Variants in SLC41A3 observed in about 807,000 individuals in gnomAD.
SLC41A3 encodes the protein SLC41A1-like 2.
Under a neutral mutation model 45.4 loss-of-function variants are expected in SLC41A3, and 44 were observed. The observed-to-expected ratio is 0.97, with a 90% confidence interval of 0.76 to 1.25. The LOEUF is 1.25. SLC41A3 is among the 50% of genes most tolerant of loss of function. SLC41A3 has a pLI of 0.00. For synonymous variants in SLC41A3, 256 were observed against 252.4 expected (o/e 1.01, Z -0.13); for missense variants, 550 against 600.6 (o/e 0.92, Z 0.88).
chr3:126,053,380 T>G (rs1943463501), intron 2 of SLC41A3, among the ~76,000 whole-genome samples: 1 of 152,174 alleles, frequency 6.6e-6, no homozygotes. Flanking sequence ...CCTCTGGAAC[T>G]GCGGAAAAAA....
chr3:126,039,307 A>G (rs1942422129), intron 3 of SLC41A3, among the ~76,000 whole-genome samples: 1 of 152,216 alleles, frequency 6.6e-6, no homozygotes, highest in South Asian at 2.1e-4. Flanking sequence ...GTCCTTTTTT[A>G]TGTTCCAGGA....
rs139551957 is a variant in SLC41A3, at chr3:126,068,138, T to C, written c.82A>G (p.Thr28Ala). The change falls in exon 2 of 11, where the codon ACA (threonine) becomes GCA (alanine). Residue 28 changes from threonine (T) to alanine (A), a missense_variant. By Grantham distance (58) the Thr-to-Ala change is moderately conservative (BLOSUM62 0). Transcript: ENST00000360370. The stretch of plus-strand genomic sequence containing the variant: ...TCTGAGGCTACAGGGAGTCCTCCTG[T>C]GCTGAGGGGGTGAGGAAGCCCCAGC... ...GELGLPHPLSTGGLPVASEDG... is the reference protein window; with the variant it reads ...GELGLPHPLSAGGLPVASEDG... The C allele has an allele frequency of 1.7e-4, 273 of 1,608,966 alleles. 3 individuals carry two copies. The East Asian group carries it at 6.1e-3, about 36-fold the overall frequency.
In SLC41A3 at chr3:126,051,051, C is replaced by A; in HGVS notation, c.274-1G>T. On this transcript the variant is annotated splice_acceptor_variant, in intron 2 of 10. Transcript: ENST00000360370. LOFTEE classifies it high-confidence loss of function. ...TCACCTCCACAAACACAGGCCAGTG[C>A]TGGTAGGGAAACAGTAAGGAGATAA... The A allele has an allele frequency of 1.3e-6, 2 of 1,598,572 alleles. No homozygotes were observed. Among genetic ancestry groups the A allele is most frequent in the Non-Finnish European group, 1.7e-6 (2 of 1,171,392 alleles).
chr3:126,074,529 C>T (rs192757195), intron 1 of SLC41A3, among the ~76,000 whole-genome samples: 72 of 152,148 alleles, frequency 4.7e-4, no homozygotes, highest in African/African-American at 1.4e-3. Context: ...TAATCTTATA[C>T]GTAAAAAATC....
chr3:126,065,961 C>G (rs1944327075), intron 2 of SLC41A3, among the ~76,000 whole-genome samples: 1 of 152,186 alleles, frequency 6.6e-6, no homozygotes, highest in South Asian at 2.1e-4. Context: ...ATAATGACCA[C>G]AGCAGGCAGC....
At chr3:126,008,996 G>T in intron 9 of SLC41A3, 116 bp from the exon 10 acceptor site, 1 of 1,292,722 alleles carries the variant, frequency 7.7e-7, no homozygotes, top group Non-Finnish European at 1.1e-6. Flanking sequence ...AGTGTTCACT[G>T]GACACCTACT....
intron 3 of SLC41A3, among the ~76,000 whole-genome samples, chr3:126,050,579 G>A (rs894376245): frequency 1.3e-5 from 2 of 152,168 alleles, no homozygotes; most frequent in African/African-American, 4.8e-5. Context: ...CCTCCATCAG[G>A]TCTGCATTGC....
At chr3:126,042,746 C>T (rs976525415) in intron 3 of SLC41A3, among the ~76,000 whole-genome samples, 4 of 151,714 alleles carry the variant, frequency 2.6e-5, no homozygotes, top group Non-Finnish European at 5.9e-5. Context: ...AACTGAAAAA[C>T]ACAATAATTG....
intron 2 of SLC41A3, among the ~76,000 whole-genome samples, chr3:126,066,653 T>C (rs943131036): frequency 1.3e-5 from 2 of 152,042 alleles, no homozygotes; most frequent in African/African-American, 2.4e-5. Flanking sequence ...GTGGGAAAAA[T>C]TATAAAGATA....
chr3:126,035,279 C>T (rs1942097223), intron 3 of SLC41A3, among the ~76,000 whole-genome samples: 2 of 152,136 alleles, frequency 1.3e-5, no homozygotes, highest in South Asian at 4.1e-4. Context: ...GATGCTGAAA[C>T]CTTCCAGGAT....
At chr3:126,062,274 C>G (rs2107984575) in intron 2 of SLC41A3, among the ~76,000 whole-genome samples, 1 of 152,340 alleles carries the variant, frequency 6.6e-6, no homozygotes, top group Admixed American at 6.5e-5. Context: ...ATTGAAATCA[C>G]TGACTCCATC....
At chr3:126,069,388 G>A (rs1028099884) in intron 1 of SLC41A3, among the ~76,000 whole-genome samples, 6 of 152,228 alleles carry the variant, frequency 3.9e-5, no homozygotes, top group East Asian at 3.9e-4. Context: ...ATCTGTAACC[G>A]GTCATCAGCT....
intron 3 of SLC41A3, among the ~76,000 whole-genome samples, chr3:126,049,522 C>CA (rs1943187233): frequency 2.0e-5 from 3 of 152,172 alleles, no homozygotes; most frequent in Non-Finnish European, 1.5e-5. Flanking sequence ...AAACAAACAC[C>CA]TGAAATGCCT....
Position 126,052,375 on chromosome 3 carries a change from G to A in SLC41A3, c.274-1325C>T, listed in dbSNP as rs537753559. ...CACCACCACCCACACCCTCCCTAACGTCCTGTGGAGCCCAGCGTGCTCATG... is the reference window on the plus strand; with the variant it reads ...CACCACCACCCACACCCTCCCTAACATCCTGTGGAGCCCAGCGTGCTCATG... On this transcript the variant is annotated intron_variant, in intron 2 of 10. Transcript: ENST00000360370. Among the ~76,000 whole-genome samples, 11 of 152,190 alleles carry A rather than the reference G, an allele frequency of 7.2e-5. No individual in the cohort carries two copies. The South Asian group carries it at 2.3e-3, about 32-fold the overall frequency.
chr3:126,073,978 G>A (rs1944755993), intron 1 of SLC41A3, among the ~76,000 whole-genome samples: 1 of 152,016 alleles, frequency 6.6e-6, no homozygotes, highest in Non-Finnish European at 1.5e-5. Flanking sequence ...TACATACAAA[G>A]ACTTTTACAA....
intron 1 of SLC41A3, among the ~76,000 whole-genome samples, chr3:126,097,456 A>T (rs1945626242): frequency 6.6e-6 from 1 of 152,046 alleles, no homozygotes; most frequent in East Asian, 1.9e-4. Context: ...CCACCACCCA[A>T]CATTTTCAGT....
At position 126,026,222 on chromosome 3, in the gene SLC41A3, T is replaced by C. The variant is rs966386093; in HGVS notation, c.598+113A>G. 4.2e-6 allele frequency: 6 copies of C among 1,442,988 alleles called. No individual in the cohort carries two copies. The highest frequency in any genetic ancestry group is 2.1e-4 in the Middle Eastern group (1 of 4,660). 89.4% of individuals were successfully genotyped at this position (1,442,988 alleles called of 1,614,324 possible). On this transcript the variant is annotated intron_variant, in intron 5 of 10. Coordinates refer to ENST00000360370, the MANE Select transcript of SLC41A3 (RefSeq NM_017836.4). The surrounding 1 kb of genome is among the most constrained non-coding windows in gnomAD (Gnocchi z 4.2). ...GTGAGAACCCTGAGCCCACCATCAG[T>C]CCCATTAGCAGTGGGACTCACACCC...
intron 8 of SLC41A3, 75 bp from the exon 9 acceptor site, chr3:126,012,824 C>G (rs770749489): frequency 2.3e-5 from 37 of 1,580,550 alleles, no homozygotes; most frequent in Non-Finnish European, 3.0e-5. Context: ...TTTAAGTTCC[C>G]TTCCTCCAGG....
chr3:126,081,788 C>T (rs1242850699), intron 1 of SLC41A3, among the ~76,000 whole-genome samples: 1 of 152,240 alleles, frequency 6.6e-6, no homozygotes, highest in Non-Finnish European at 1.5e-5. Context: ...CCAGGCCACA[C>T]ATCCTCACTC....
Sources: allele counts gnomAD v4.1 joint callset (sites outside exome capture counted in the v4.1 genomes callset), GRCh38; gene constraint gnomAD v4.1.1; non-coding constraint Gnocchi (gnomAD v3.1); transcripts MANE v1.5; gene names NCBI Gene and HGNC (gene_info 2026-07-23, HGNC 2026-07-21).